ROBO1: variants seen among roughly 807,000 people sequenced by gnomAD.
The protein encoded by ROBO1 is roundabout homolog 1.
ROBO1 carries 149 observed loss-of-function variants against 195.9 expected under a neutral mutation model. The observed-to-expected ratio is 0.76, with a 90% CI of 0.67 to 0.87. The LOEUF is 0.87. Among genes scored for constraint, ROBO1 ranks in the 40% least tolerant of loss-of-function variants. ROBO1 has a pLI of 0.00. For synonymous variants in ROBO1, 816 were observed against 733.2 expected, an observed-to-expected ratio of 1.11 and a Z score of -1.82; for missense variants, 1,933 against 2,068.3, an observed-to-expected ratio of 0.93 and a Z score of 1.27.
intron 1 of ROBO1, among the ~76,000 whole-genome samples, chr3:79,726,474 A>C (rs1341954779): frequency 6.6e-6 from 1 of 152,232 alleles, no homozygotes; most frequent in East Asian, 1.9e-4. Flanking sequence ...TAAATGCTTG[A>C]TGTTGAAAAA....
intron 1 of ROBO1, among the ~76,000 whole-genome samples, chr3:79,719,796 AC>A (rs1285982576): frequency 6.6e-6 from 1 of 152,148 alleles, no homozygotes; most frequent in Non-Finnish European, 1.5e-5. Context: ...TAAAACAAAT[AC>A]TTTTGTTGTT....
chr3:78,645,452 G>A (rs1255598223), intron 21 of ROBO1, among the ~76,000 whole-genome samples: 13 of 146,438 alleles, frequency 8.9e-5, no homozygotes, highest in Non-Finnish European at 1.1e-4. Context: ...CTGTTTTGGA[G>A]AAAAAAAAAA....
chr3:79,729,497 T>G (rs1455775650), intron 1 of ROBO1, among the ~76,000 whole-genome samples: 3 of 152,236 alleles, frequency 2.0e-5, no homozygotes, highest in African/African-American at 4.8e-5. Context: ...AAAAAAGTGC[T>G]GTGTTTGTTT....
At chr3:78,953,164 C>T (rs1015229807) in intron 3 of ROBO1, among the ~76,000 whole-genome samples, 6 of 151,820 alleles carry the variant, frequency 4.0e-5, no homozygotes, top group Non-Finnish European at 8.8e-5. Flanking sequence ...GTCATGAGAC[C>T]CAAATATCAT....
At chr3:78,636,943 A>ATATATATATATATATATATT (rs1705546661) in intron 22 of ROBO1, among the ~76,000 whole-genome samples, 1 of 100,182 alleles carries the variant, frequency 1.0e-5, no homozygotes, top group African/African-American at 5.5e-5. Flanking sequence ...TTTTATATAT[A>ATATATATATATATATATATT]TATATATATA....
rs148467407 is a variant in ROBO1 at position 79,092,455 on chromosome 3, G to T, written c.172+33001C>A. Among the ~76,000 whole-genome samples, 571 of 152,248 alleles carry T rather than the reference G, an allele frequency of 3.8e-3. 8 individuals carry two copies. Among genetic ancestry groups the T allele is most frequent in the African/African-American group, 0.013 (530 of 41,564 alleles). On this transcript the variant is annotated intron_variant, in intron 3 of 30. Coordinates refer to ENST00000464233, the MANE Select transcript of ROBO1 (RefSeq NM_002941.4). ...TTTAAGTGAAGAAGTCTAGGAAAAA[G>T]ATATAAAATTGAGAATTGCCAGACA...
chr3:79,738,079 G>A (rs1361527046), intron 1 of ROBO1, among the ~76,000 whole-genome samples: 1 of 152,060 alleles, frequency 6.6e-6, no homozygotes, highest in Admixed American at 6.6e-5. Flanking sequence ...ATGTGTAAAA[G>A]TTTCACAGAG....
At chr3:78,702,687 A>T (rs1229341183) in intron 8 of ROBO1, among the ~76,000 whole-genome samples, 1 of 152,198 alleles carries the variant, frequency 6.6e-6, no homozygotes, top group Non-Finnish European at 1.5e-5. Context: ...ATTTTTCCAC[A>T]TTGATGCCAT....
chr3:79,000,357 C>T (rs2077472137), intron 3 of ROBO1, among the ~76,000 whole-genome samples: 1 of 152,050 alleles, frequency 6.6e-6, no homozygotes, highest in Non-Finnish European at 1.5e-5. Flanking sequence ...AAATTTTCTC[C>T]CATTCTGGAG....
chr3:78,842,414 A>G (rs1434427751), intron 4 of ROBO1, among the ~76,000 whole-genome samples: 1,028 of 1,758 alleles, frequency 0.58, 461 homozygotes, highest in East Asian at 0.9. Context: ...ATTTTTATAT[A>G]TATGAGCCAT....
At chr3:79,690,237 G>A (rs964424576) in intron 1 of ROBO1, among the ~76,000 whole-genome samples, 1 of 151,912 alleles carries the variant, frequency 6.6e-6, no homozygotes, top group Admixed American at 6.6e-5. Context: ...TAAGGTTAGG[G>A]ACACTGAGAT....
At chr3:78,987,988 G>C in intron 3 of ROBO1, among the ~76,000 whole-genome samples, 1 of 151,980 alleles carries the variant, frequency 6.6e-6, no homozygotes, top group Middle Eastern at 3.2e-3. Context: ...TGATGAACAA[G>C]ATAAAAAGTG....
intron 17 of ROBO1, among the ~76,000 whole-genome samples, chr3:78,658,493 G>A (rs1425959770): frequency 6.6e-6 from 1 of 152,186 alleles, no homozygotes; most frequent in African/African-American, 2.4e-5. Flanking sequence ...CTTTCACTGT[G>A]TTGGCCAGGC....
At chr3:79,204,285 C>T (rs1432148091) in intron 2 of ROBO1, among the ~76,000 whole-genome samples, 2 of 151,706 alleles carry the variant, frequency 1.3e-5, no homozygotes, top group East Asian at 1.9e-4. Context: ...TATAGTTTCC[C>T]GACTGAACTA....
chr3:78,603,210 A>G (rs1703277116), intron 29 of ROBO1, among the ~76,000 whole-genome samples: 1 of 152,164 alleles, frequency 6.6e-6, no homozygotes, highest in Non-Finnish European at 1.5e-5. Context: ...ATGTACCTCA[A>G]GAGCTTCATC....
chr3:79,344,344 G>T (rs538957459), intron 2 of ROBO1, among the ~76,000 whole-genome samples: 1 of 152,228 alleles, frequency 6.6e-6, no homozygotes, highest in Non-Finnish European at 1.5e-5. Context: ...AGCAGATACA[G>T]ACAAGTGATA....
At chr3:79,007,641 G>A in intron 3 of ROBO1, among the ~76,000 whole-genome samples, 1 of 152,218 alleles carries the variant, frequency 6.6e-6, no homozygotes, top group South Asian at 2.1e-4. Context: ...AAAATTATTT[G>A]TTTTTTAAAC....
At chr3:78,993,492 C>A (rs1415216000) in intron 3 of ROBO1, among the ~76,000 whole-genome samples, 1 of 152,092 alleles carries the variant, frequency 6.6e-6, no homozygotes, top group East Asian at 1.9e-4. Context: ...GGGTGTAATA[C>A]ACTTATATAT....
chr3:78,673,634 A>T, intron 10 of ROBO1, among the ~76,000 whole-genome samples: 1 of 135,606 alleles, frequency 7.4e-6, no homozygotes. Flanking sequence ...AGGGTTATAA[A>T]AGTTTAGCTA....
Sources: gnomAD v4.1 joint callset for allele counts (sites outside exome capture counted in the v4.1 genomes callset) on GRCh38, gnomAD v4.1.1 for gene constraint, MANE v1.5 for transcripts, NCBI Gene and HGNC (gene_info 2026-07-23, HGNC 2026-07-21) for gene names.